The following BTAF1 variants were observed in gnomAD, a reference collection of about 807,000 sequenced individuals.
BTAF1 encodes the protein B-TFIID TATA-box binding protein associated factor 1.
In BTAF1, 38 loss-of-function variants were observed where a neutral mutation model predicts 227.1. The observed-to-expected ratio is 0.17, with a 90% CI of 0.13 to 0.22. The LOEUF (loss-of-function observed/expected upper bound fraction) is 0.22. Among genes scored for constraint, BTAF1 ranks in the 10% least tolerant of loss-of-function variants. The probability of loss-of-function intolerance (pLI) is 1.00; values close to 1 mark genes in which losing one functional copy is unlikely to be tolerated. For synonymous variants in BTAF1, 742 were observed against 751.9 expected (o/e 0.99, Z 0.21); for missense variants, 1,598 against 2,204.0 (o/e 0.73, Z 5.51).
At chr10:91,963,454 G>T (rs894340411) in intron 12 of BTAF1, among the ~76,000 whole-genome samples, 4 of 151,784 alleles carry the variant, frequency 2.6e-5, no homozygotes, top group Non-Finnish European at 5.9e-5. Context: ...TTGTAGTGAT[G>T]GGGGAGTCCC....
rs1396392265 is a variant in BTAF1 at position 92,027,126 on chromosome 10, C to G, written c.5236-4C>G. 4 of 1,606,048 alleles carry G rather than the reference C, an allele frequency of 2.5e-6. No homozygotes were observed. The highest frequency in any genetic ancestry group is 3.4e-6 in the Non-Finnish European group (4 of 1,177,322). On this transcript the variant is annotated splice_polypyrimidine_tract_variant and splice_region_variant and intron_variant, in intron 36 of 37. Transcript: ENST00000265990. ...ACGGTTGCTTAACTGTTTTTCTTATCCAGAAACGTGTGGTTAACGTATACC... is the reference window on the plus strand; with the variant it reads ...ACGGTTGCTTAACTGTTTTTCTTATGCAGAAACGTGTGGTTAACGTATACC...
chr10:91,944,856 C>G lies in BTAF1; in HGVS notation c.400+2288C>G, dbSNP rs147022702. Among the ~76,000 whole-genome samples the G allele has an allele frequency of 3.3e-3, 504 of 152,364 alleles. 11 individuals carry two copies. Among genetic ancestry groups the G allele is most frequent in the African/African-American group, 0.012 (494 of 41,584 alleles). On this transcript the variant is annotated intron_variant, in intron 4 of 37. Coordinates refer to ENST00000265990, the MANE Select transcript of BTAF1 (RefSeq NM_003972.3). ...CAGCAACAGACTAGGACTGCATATACAGTTGTGGTCCCATAAAATTATATT... is the reference window on the plus strand; with the variant it reads ...CAGCAACAGACTAGGACTGCATATAGAGTTGTGGTCCCATAAAATTATATT...
rs762142021 is a variant in BTAF1, at chr10:91,935,788, C to CT, written c.138+18dup. 1.8e-3 allele frequency: 2,671 copies of CT among 1,499,806 alleles called. No individual in the cohort carries two copies. The highest frequency in any genetic ancestry group is 4.3e-3 in the South Asian group (346 of 80,408). 92.9% of individuals were successfully genotyped at this position (1,499,806 alleles called of 1,614,324 possible). ...AATAATCTCCTGTCTAAAGTAAGAA[C>CT]TTTTTTTTTTCTTTTAGCATAATAC... is the stretch of plus-strand genomic sequence containing the variant. On this transcript the variant is annotated intron_variant, in intron 2 of 37. Transcript: ENST00000265990.
chr10:91,926,737 A>G (rs750962696), intron 1 of BTAF1, among the ~76,000 whole-genome samples: 13 of 152,260 alleles, frequency 8.5e-5, no homozygotes, highest in Non-Finnish European at 1.8e-4. Flanking sequence ...GTATTTGGAC[A>G]TGTTTAGTAC....
Position 91,966,882 on chromosome 10 carries a change from G to A in BTAF1, c.1650+125G>A, listed in dbSNP as rs905131400. ...GGACAATGTTGGGCCTAGTGGTATG[G>A]TAACCATGTAGATGAATATAATCAC... On this transcript the variant is annotated intron_variant, in intron 14 of 37. Coordinates refer to ENST00000265990, the MANE Select transcript of BTAF1 (RefSeq NM_003972.3). The A allele has an allele frequency of 5.0e-6, 4 of 807,652 alleles. No homozygotes were observed. The African/African-American group carries it at 6.9e-5, about 14-fold the overall frequency. The allele number at this position is 807,652 out of a possible 1,614,324, so 50.0% of individuals were successfully genotyped here.
In BTAF1 at chr10:92,011,161, A is replaced by AT. The variant is rs564597136; in HGVS notation, c.4181+21dup. 2.0e-3 allele frequency: 2,879 copies of AT among 1,449,166 alleles called. No homozygotes were observed. The highest frequency in any genetic ancestry group is 2.4e-3 in the Admixed American group (112 of 47,408). The allele number at this position is 1,449,166 out of a possible 1,614,324, so 89.8% of individuals were successfully genotyped here. ...CATAGATTTCTTTAGGTAAGAATTA[A>AT]TTTTTTTTTTAGAAAAATTAATATC... On this transcript the variant is annotated intron_variant, in intron 29 of 37. Transcript: ENST00000265990.
chr10:91,963,527 C>G (rs1315468228), intron 12 of BTAF1, among the ~76,000 whole-genome samples: 1 of 152,128 alleles, frequency 6.6e-6, no homozygotes, highest in African/African-American at 2.4e-5. Context: ...TCTTGGCCTT[C>G]CAGAGTGCTG....
At chr10:91,973,365 A>G (rs988392939) in intron 14 of BTAF1, among the ~76,000 whole-genome samples, 2 of 152,192 alleles carry the variant, frequency 1.3e-5, no homozygotes, top group African/African-American at 4.8e-5. Context: ...ATGTGTATGA[A>G]AGTGCTTTGA....
chr10:91,954,165 A>T (rs1185769382), intron 6 of BTAF1, among the ~76,000 whole-genome samples: 1 of 152,196 alleles, frequency 6.6e-6, no homozygotes, highest in African/African-American at 2.4e-5. Flanking sequence ...AATGCCTTAA[A>T]CATGGAATAA....
chr10:91,991,265 A>AATATAT (rs375232605), intron 20 of BTAF1, among the ~76,000 whole-genome samples: 23 of 90,022 alleles, frequency 2.6e-4, no homozygotes, highest in African/African-American at 7.2e-4. Flanking sequence ...TATAAATATA[A>AATATAT]ATATAAATAT....
rs757136951 is a variant in BTAF1 at position 91,993,675 on chromosome 10, T to A, written c.3046-19T>A. The stretch of plus-strand genomic sequence containing the variant: ...GATTTTTTCTGAAATTCTGTTTTTA[T>A]CTAACATTTAATTTTAAGGCCCAGA... On this transcript the variant is annotated intron_variant, in intron 21 of 37. Coordinates refer to ENST00000265990, the MANE Select transcript of BTAF1 (RefSeq NM_003972.3). 21 of 1,431,284 alleles carry A rather than the reference T, an allele frequency of 1.5e-5. No individual in the cohort carries two copies. Among genetic ancestry groups the A allele is most frequent in the Non-Finnish European group, 1.9e-5 (21 of 1,080,926 alleles). The allele number at this position is 1,431,284 out of a possible 1,614,324, so 88.7% of individuals were successfully genotyped here.
intron 13 of BTAF1, among the ~76,000 whole-genome samples, chr10:91,965,674 T>A (rs1335830653): frequency 1.3e-5 from 2 of 152,344 alleles, no homozygotes; most frequent in East Asian, 3.9e-4. Flanking sequence ...AAATGTAGCA[T>A]GTTATTTGGA....
chr10:91,996,435 G>A lies in BTAF1; in HGVS notation c.3376G>A (p.Ala1126Thr). 1.2e-6 allele frequency: 2 copies of A among 1,614,164 alleles called. No individual in the cohort carries two copies. Among genetic ancestry groups the A allele is most frequent in the Non-Finnish European group, 1.7e-6 (2 of 1,180,024 alleles). The change falls in exon 24 of 38, where the codon GCT becomes ACT. Residue 1126 changes from alanine to threonine, a missense_variant. Physicochemically the swap from Ala to Thr is moderately conservative, Grantham distance 58 (BLOSUM62 0). This residue lies in a region of BTAF1 where 425 missense variants were observed against 491.2 expected (regional missense o/e 0.87). Coordinates refer to ENST00000265990, the MANE Select transcript of BTAF1 (RefSeq NM_003972.3). The stretch of plus-strand genomic sequence containing the variant: ...CCCCAGTACTGCAGTGAGGCACATG[G>A]CTGCTCGTTGTGTAGGTGTCATGAG... ...QYPSTAVRHM[A>T]ARCVGVMSKI...
At chr10:91,983,658 G>C (rs1443173902) in intron 18 of BTAF1, among the ~76,000 whole-genome samples, 1 of 152,176 alleles carries the variant, frequency 6.6e-6, no homozygotes, top group Non-Finnish European at 1.5e-5. Flanking sequence ...GCTGATAACT[G>C]AGATGCCACA....
In BTAF1 at chr10:91,964,106, T is replaced by C. The variant is rs767222082; in HGVS notation, c.1434T>C (p.Asp478=). Residue 478 remains aspartate, a synonymous_variant, in exon 13 of 38, where the codon GAT becomes GAC. Transcript: ENST00000265990. ...CCTTCATTATAAATACATTGTGGGATGCTCTTCTGGAATTAGATGATCTAA... is the reference window on the plus strand; with the variant it reads ...CCTTCATTATAAATACATTGTGGGACGCTCTTCTGGAATTAGATGATCTAA... The part of the protein sequence containing the change: ...KVPFIINTLW[D]ALLELDDLTA... The C allele has an allele frequency of 4.3e-5, 69 of 1,613,506 alleles. No homozygotes were observed. The highest frequency in any genetic ancestry group is 5.8e-5 in the Non-Finnish European group (69 of 1,179,828).
chr10:92,012,521 G>C (rs537525378), intron 30 of BTAF1, among the ~76,000 whole-genome samples: 1 of 150,830 alleles, frequency 6.6e-6, no homozygotes, highest in African/African-American at 2.4e-5. Context: ...CTGTAATCTC[G>C]GCACATTGGG....
intron 34 of BTAF1, among the ~76,000 whole-genome samples, chr10:92,021,827 AGCCACCGTGTCTG>A (rs1242574633): frequency 3.3e-5 from 5 of 152,128 alleles, no homozygotes; most frequent in Non-Finnish European, 5.9e-5. Context: ...TACAGGTGTG[AGCCACCGTGTCTG>A]GCCCAAATTT....
chr10:91,988,432 T>C (rs1848549676), intron 19 of BTAF1, among the ~76,000 whole-genome samples: 1 of 152,184 alleles, frequency 6.6e-6, no homozygotes, highest in Non-Finnish European at 1.5e-5. Flanking sequence ...ACATTTCAAA[T>C]GGGTAGTTTT....
rs1392939402 is a variant in BTAF1 at position 92,011,169 on chromosome 10, T to G, written c.4181+19T>G. ...TCTTTAGGTAAGAATTAATTTTTTTTTTAGAAAAATTAATATCAAATTTGA... is the reference window on the plus strand; with the variant it reads ...TCTTTAGGTAAGAATTAATTTTTTTGTTAGAAAAATTAATATCAAATTTGA... On this transcript the variant is annotated intron_variant, in intron 29 of 37. Coordinates refer to ENST00000265990, the MANE Select transcript of BTAF1 (RefSeq NM_003972.3). The G allele has an allele frequency of 1.3e-6, 2 of 1,547,926 alleles. No individual in the cohort carries two copies. The highest frequency in any genetic ancestry group is 2.8e-5 in the African/African-American group (2 of 71,520).
Sources: gnomAD v4.1 joint callset for allele counts (sites outside exome capture counted in the v4.1 genomes callset) on GRCh38, gnomAD v4.1.1 for gene constraint, gnomAD v4.1.1 regional missense constraint, MANE v1.5 for transcripts, NCBI Gene and HGNC (gene_info 2026-07-23, HGNC 2026-07-21) for gene names.